The following ARHGEF4 variants were observed in gnomAD, a reference collection of about 807,000 sequenced individuals.
ARHGEF4 encodes Rho guanine nucleotide exchange factor 4, also known as APC-stimulated guanine nucleotide exchange factor 1.
A neutral mutation model predicts 162.0 loss-of-function variants in ARHGEF4; 119 were observed. The observed-to-expected ratio is 0.73, with a 90% CI of 0.63 to 0.86. The LOEUF (loss-of-function observed/expected upper bound fraction) is 0.86, where lower values mean the gene tolerates loss of function less well. Among genes scored for constraint, ARHGEF4 ranks in the 40% least tolerant of loss-of-function variants. The pLI, the probability that ARHGEF4 is intolerant of heterozygous loss-of-function variation, is 0.00. For missense variants in ARHGEF4, 2,488 were observed against 2,456.0 expected (o/e 1.01, Z -0.28); for synonymous variants, 1,014 against 979.9 (o/e 1.03, Z -0.65).
chr2:131,004,192 G>A (rs896742005), intron 4 of ARHGEF4, among the ~76,000 whole-genome samples: 3 of 152,192 alleles, frequency 2.0e-5, no homozygotes, highest in Non-Finnish European at 2.9e-5. Flanking sequence ...TTGAGACGGA[G>A]TCTCACTCTG....
At chr2:130,982,946 AACCCT>A (rs1225997642) in intron 4 of ARHGEF4, among the ~76,000 whole-genome samples, 6 of 152,174 alleles carry the variant, frequency 3.9e-5, no homozygotes, top group Admixed American at 3.9e-4. Flanking sequence ...ATTTTAGTGA[AACCCT>A]AAAAAGCAAG....
In ARHGEF4 at chr2:130,914,366, C is replaced by T; in HGVS notation, c.420C>T (p.Asp140=). 2.1e-6 allele frequency: 3 copies of T among 1,448,174 alleles called. No individual in the cohort carries two copies. In the South Asian group the frequency reaches 4.4e-5, roughly 21 times the overall value. The allele number at this position is 1,448,174 out of a possible 1,614,324, so 89.7% of individuals were successfully genotyped here. ...ATTTGTCCCCTAGCTTAGAGGATGACTCTTGCAAAAATGGGTGGCGAGCCT... is the reference window on the plus strand; with the variant it reads ...ATTTGTCCCCTAGCTTAGAGGATGATTCTTGCAAAAATGGGTGGCGAGCCT... ...ELDLSPSLED[D]SCKNGWRAFA... Residue 140 remains aspartate (D), a synonymous_variant, in exon 2 of 14, where the codon GAC becomes GAT. Coordinates refer to ENST00000409359, the MANE Select transcript of ARHGEF4 (RefSeq NM_001367493.1).
At chr2:130,841,371 C>CTTT (rs35533760) in intron 1 of ARHGEF4, among the ~76,000 whole-genome samples, 3 of 133,074 alleles carry the variant, frequency 2.3e-5, no homozygotes, top group African/African-American at 5.5e-5. Flanking sequence ...GCCTAGAAAG[C>CTTT]TTTTTTTTTT....
rs1364631256 is a variant in ARHGEF4 at position 130,932,000 on chromosome 2, G to A, written c.3858+743G>A. Among the ~76,000 whole-genome samples the A allele has an allele frequency of 5.3e-5, 8 of 152,050 alleles. No homozygotes were observed. In the South Asian group the frequency reaches 1.2e-3, roughly 24 times the overall value. On this transcript the variant is annotated intron_variant, in intron 3 of 13. Coordinates refer to ENST00000409359, the MANE Select transcript of ARHGEF4 (RefSeq NM_001367493.1). Reference sequence around the variant, plus strand: ...AGTATATTCATTCACTATATTTTGCGACCACCACCTCTGTCCAGCTCCAAG... The same window carrying A: ...AGTATATTCATTCACTATATTTTGCAACCACCACCTCTGTCCAGCTCCAAG...
rs183005646 is a variant in ARHGEF4, at chr2:130,935,531, A to G, written c.3858+4274A>G. 5.4e-3 allele frequency among the ~76,000 whole-genome samples: 818 copies of G among 152,310 alleles called. 7 individuals carry two copies. The highest frequency in any genetic ancestry group is 0.019 in the African/African-American group (777 of 41,576). ...TACAACTAGAAAGTTCCCTCTCAGC[A>G]TAGCGTTCACTGCATCCATAAGCAT... On this transcript the variant is annotated intron_variant, in intron 3 of 13. Transcript: ENST00000409359.
At chr2:131,017,805 GGA>G (rs1366111168) in intron 4 of ARHGEF4, among the ~76,000 whole-genome samples, 2 of 152,158 alleles carry the variant, frequency 1.3e-5, no homozygotes, top group African/African-American at 2.4e-5. Flanking sequence ...ATCTAAATAT[GGA>G]GAGAGATTCT....
rs779252180 is a variant in ARHGEF4, at chr2:131,039,037, G to A, written c.4305+5G>A. ...TTTCCAGCCAGCTTCGTTCGGGTAT[G>A]GTTCCAAGCCCCAGCTTCTCCCAAG... is the stretch of plus-strand genomic sequence containing the variant. On this transcript the variant is annotated splice_donor_5th_base_variant and intron_variant, in intron 6 of 13. Coordinates refer to ENST00000409359, the MANE Select transcript of ARHGEF4 (RefSeq NM_001367493.1). The A allele has an allele frequency of 3.4e-5, 55 of 1,606,092 alleles. No homozygotes were observed. The highest frequency in any genetic ancestry group is 2.3e-5 in the Non-Finnish European group (27 of 1,175,990).
rs183824498 is a variant in ARHGEF4 at position 130,989,351 on chromosome 2, A to G, written c.3986-38594A>G. Among the ~76,000 whole-genome samples, 616 of 152,340 alleles carry G rather than the reference A, an allele frequency of 4.0e-3. 5 individuals carry two copies. The highest frequency in any genetic ancestry group is 6.5e-3 in the Admixed American group (100 of 15,304). Reference sequence around the variant, plus strand: ...TTGAAGGTTTCTGATATAAATTTGAATGAGATTTTGACTGTAGTTTTTTTA... The same window carrying G: ...TTGAAGGTTTCTGATATAAATTTGAGTGAGATTTTGACTGTAGTTTTTTTA... On this transcript the variant is annotated intron_variant, in intron 4 of 13. Transcript: ENST00000409359.
At chr2:131,029,486 G>A (rs1388451727) in intron 5 of ARHGEF4, among the ~76,000 whole-genome samples, 1 of 151,894 alleles carries the variant, frequency 6.6e-6, no homozygotes, top group African/African-American at 2.4e-5. Context: ...AAGCTACTTG[G>A]GATGGAAGGT....
intron 4 of ARHGEF4, among the ~76,000 whole-genome samples, chr2:131,020,189 T>C (rs1429552715): frequency 5.3e-5 from 8 of 151,756 alleles, no homozygotes; most frequent in South Asian, 2.1e-4. Flanking sequence ...TTTTTCTTTA[T>C]TTTATTTTAT....
At chr2:130,958,298 G>A (rs1684414598) in intron 4 of ARHGEF4, among the ~76,000 whole-genome samples, 2 of 152,270 alleles carry the variant, frequency 1.3e-5, no homozygotes, top group South Asian at 4.1e-4. Flanking sequence ...AAGGGGGAGA[G>A]GGGAATGATC....
intron 1 of ARHGEF4, among the ~76,000 whole-genome samples, chr2:130,870,173 A>G (rs940748981): frequency 3.9e-5 from 6 of 152,074 alleles, no homozygotes; most frequent in African/African-American, 1.4e-4. Flanking sequence ...TGTTTCTTCC[A>G]TGGGTATTGT....
intron 4 of ARHGEF4, among the ~76,000 whole-genome samples, chr2:130,949,990 G>C (rs936744843): frequency 6.6e-6 from 1 of 152,176 alleles, no homozygotes; most frequent in African/African-American, 2.4e-5. Context: ...TTCTTTATTT[G>C]CTCGTCTGTG....
At position 130,913,965 on chromosome 2, in the gene ARHGEF4, CCTCT is replaced by C; in HGVS notation, c.40-18_40-15del. 1 of 1,535,920 alleles carries C rather than the reference CCTCT, an allele frequency of 6.5e-7. No homozygotes were observed. The highest frequency in any genetic ancestry group is 8.7e-7 in the Non-Finnish European group (1 of 1,146,838). ...ATGTACTCAGGCCTTGTCTCTGACT[CCTCT>C]CTTCTTGCCCTCCCAGACTCCAGAG... On this transcript the variant is annotated splice_polypyrimidine_tract_variant and intron_variant, in intron 1 of 13. Transcript: ENST00000409359.
chr2:131,041,541 C>T, intron 9 of ARHGEF4, 79 bp downstream of exon 9: 1 of 1,406,158 alleles, frequency 7.1e-7, no homozygotes, highest in South Asian at 1.3e-5. Flanking sequence ...TAGCAGTGTG[C>T]TGGGCACTGC....
At chr2:131,021,907 G>A (rs1214726402) in intron 4 of ARHGEF4, among the ~76,000 whole-genome samples, 1 of 152,152 alleles carries the variant, frequency 6.6e-6, no homozygotes, top group Admixed American at 6.5e-5. Flanking sequence ...CATAGATTGA[G>A]ATAATCATGT....
At chr2:130,944,739 T>A (rs4850137) in intron 3 of ARHGEF4, among the ~76,000 whole-genome samples, 149,469 of 152,198 alleles carry the variant, frequency 0.98, 73,445 homozygotes, top group Middle Eastern at 1. Context: ...CAACTGTGTC[T>A]TCTTGGTGTT....
intron 5 of ARHGEF4, among the ~76,000 whole-genome samples, chr2:131,031,597 T>A (rs1306135272): frequency 6.6e-6 from 1 of 152,214 alleles, no homozygotes; most frequent in African/African-American, 2.4e-5. Context: ...ACAGGCACAA[T>A]GTCTCGTTCC....
At chr2:130,873,560 C>A (rs1678629682) in intron 1 of ARHGEF4, among the ~76,000 whole-genome samples, 1 of 149,090 alleles carries the variant, frequency 6.7e-6, no homozygotes, top group African/African-American at 2.5e-5. Flanking sequence ...GCACTCCAGC[C>A]TGGGAGACAG....
Sources: gnomAD v4.1 joint callset for allele counts (sites outside exome capture counted in the v4.1 genomes callset) on GRCh38, gnomAD v4.1.1 for gene constraint, MANE v1.5 for transcripts, NCBI Gene and HGNC (gene_info 2026-07-23, HGNC 2026-07-21) for gene names.